Variants in ERC1 observed in about 807,000 individuals in gnomAD.
ERC1 encodes the protein ELKS/RAB6-interacting/CAST family member 1.
A neutral mutation model predicts 132.0 loss-of-function variants in ERC1; 56 were observed. The ratio of observed to expected loss-of-function variants is 0.42; its 90% CI spans 0.34 to 0.53. The LOEUF (loss-of-function observed/expected upper bound fraction) is 0.53, where lower values mean the gene tolerates loss of function less well. ERC1 is among the 20% of genes least tolerant of loss of function. The probability of loss-of-function intolerance (pLI) is 0.03; values close to 1 mark genes in which losing one functional copy is unlikely to be tolerated. For missense variants in ERC1, 1,202 were observed against 1,349.9 expected (o/e 0.89, Z 1.72); for synonymous variants, 478 against 476.1 (o/e 1.00, Z -0.05).
chr12:1,074,515 A>T lies in ERC1; in HGVS notation c.670-8649A>T, dbSNP rs1593128164. ...TCACCATGTTGGTCAAACTGGTCTCAAACTCCCCCACCCCAAGTGATCTAC... is the reference window on the plus strand; with the variant it reads ...TCACCATGTTGGTCAAACTGGTCTCTAACTCCCCCACCCCAAGTGATCTAC... On this transcript the variant is annotated intron_variant, in intron 2 of 18. Transcript: ENST00000360905. 2.6e-5 allele frequency among the ~76,000 whole-genome samples: 4 copies of T among 151,926 alleles called. No individual in the cohort carries two copies. In the South Asian group the frequency reaches 8.3e-4, roughly 32 times the overall value.
rs988510913 is a variant in ERC1 at position 1,051,603 on chromosome 12, C to G, written c.669+23031C>G. ...TACAGTGGTAGGTGCCTGCAAATCC[C>G]AGCTACTCAGGAGGCTAAGGTGGGA... On this transcript the variant is annotated intron_variant, in intron 2 of 18. Coordinates refer to ENST00000360905, the MANE Select transcript of ERC1 (RefSeq NM_178040.4). Among the ~76,000 whole-genome samples, 3 of 150,976 alleles carry G rather than the reference C, an allele frequency of 2.0e-5. No individual in the cohort carries two copies. The East Asian group carries it at 5.8e-4, about 29-fold the overall frequency.
At chr12:1,466,667 A>G (rs2093749721) in intron 18 of ERC1, among the ~76,000 whole-genome samples, 1 of 152,224 alleles carries the variant, frequency 6.6e-6, no homozygotes, top group Admixed American at 6.5e-5. Context: ...TGTTATGTCC[A>G]GTAATTACTG....
chr12:1,400,908 ATTTTTGTATTTTTTTTTTTTTTT>A (rs1313424682), intron 16 of ERC1, among the ~76,000 whole-genome samples: 2,230 of 43,354 alleles, frequency 0.051, 127 homozygotes, highest in South Asian at 0.16. Flanking sequence ...TGTTTTGGCT[ATTTTTGTATTTTTTTTTTTTTTT>A]TTTTTTTTTT....
At chr12:1,429,713 G>A (rs138889611) in intron 17 of ERC1, among the ~76,000 whole-genome samples, 44 of 152,294 alleles carry the variant, frequency 2.9e-4, no homozygotes, top group Non-Finnish European at 5.3e-4. Context: ...AGATTTAGGG[G>A]TTCACAAAGA....
At chr12:1,310,518 C>T (rs1462064821) in intron 15 of ERC1, among the ~76,000 whole-genome samples, 2 of 152,168 alleles carry the variant, frequency 1.3e-5, no homozygotes, top group Non-Finnish European at 2.9e-5. Flanking sequence ...GCCATTTAAA[C>T]AGTTCTTGAT....
At chr12:1,244,594 T>C (rs1420944569) in intron 13 of ERC1, 1 of 449,592 alleles carries the variant, frequency 2.2e-6, no homozygotes, top group African/African-American at 2.0e-5. Flanking sequence ...TGATCTCAGC[T>C]CACTGCAGCC....
chr12:1,003,118 T>A (rs201172423), intron 1 of ERC1, among the ~76,000 whole-genome samples: 116 of 75,180 alleles, frequency 1.5e-3, no homozygotes, highest in Admixed American at 2.5e-3. Flanking sequence ...AAAAAAAGAC[T>A]CAAAAAAAAA....
chr12:1,316,582 TGTTAATGCG>T lies in ERC1; in HGVS notation c.2780+26572_2780+26580del, dbSNP rs551932957. Among the ~76,000 whole-genome samples, 9 of 152,318 alleles carry T rather than the reference TGTTAATGCG, an allele frequency of 5.9e-5. No individual in the cohort carries two copies. The South Asian group carries it at 1.9e-3, about 32-fold the overall frequency. ...AGGTAAGTCATTTCAAAATTGCTGT[TGTTAATGCG>T]GGAGAGGATTTGGAAAAATAGGAAC... On this transcript the variant is annotated intron_variant, in intron 15 of 18. Transcript: ENST00000360905.
At chr12:1,145,159 G>A (rs1209450676) in intron 8 of ERC1, among the ~76,000 whole-genome samples, 2 of 151,938 alleles carry the variant, frequency 1.3e-5, no homozygotes, top group East Asian at 1.9e-4. Flanking sequence ...TGGGATTACG[G>A]GTGCTCGCCA....
At chr12:1,341,238 C>T (rs12305805) in intron 15 of ERC1, among the ~76,000 whole-genome samples, 6 of 151,340 alleles carry the variant, frequency 4.0e-5, no homozygotes, top group South Asian at 2.1e-4. Flanking sequence ...GGACTACAGG[C>T]GCACGCCACC....
intron 8 of ERC1, among the ~76,000 whole-genome samples, chr12:1,150,678 CT>C (rs144093610): frequency 0.034 from 5,221 of 152,258 alleles, 298 homozygotes; most frequent in African/African-American, 0.12. Context: ...CTGTGGTTCT[CT>C]TCCCCAAAAT....
rs374468019 is a variant in ERC1 at position 1,027,926 on chromosome 12, T to C, written c.23T>C (p.Val8Ala). The change falls in exon 2 of 19, where the codon GTT becomes GCT. Residue 8 changes from valine to alanine, a missense_variant. By Grantham distance (64) the Val-to-Ala change is moderately conservative (BLOSUM62 0). Coordinates refer to ENST00000360905, the MANE Select transcript of ERC1 (RefSeq NM_178040.4). MYGSARSVGKVEPSSQSP... is the reference protein window; with the variant it reads MYGSARSAGKVEPSSQSP... ...ACCATGTATGGAAGTGCCCGCTCTGTTGGGAAGGTGGAGCCGAGCAGCCAG... is the reference window on the plus strand; with the variant it reads ...ACCATGTATGGAAGTGCCCGCTCTGCTGGGAAGGTGGAGCCGAGCAGCCAG... The C allele has an allele frequency of 6.2e-7, 1 of 1,610,906 alleles. No homozygotes were observed. Among genetic ancestry groups the C allele is most frequent in the African/African-American group, 1.3e-5 (1 of 74,838 alleles).
intron 16 of ERC1, among the ~76,000 whole-genome samples, chr12:1,403,144 C>G (rs986510644): frequency 1.3e-5 from 2 of 152,062 alleles, no homozygotes; most frequent in African/African-American, 4.8e-5. Flanking sequence ...GTATGTATAC[C>G]TGGAGATATA....
At chr12:1,094,158 A>G (rs1188703867) in intron 3 of ERC1, among the ~76,000 whole-genome samples, 2 of 148,916 alleles carry the variant, frequency 1.3e-5, no homozygotes, top group Admixed American at 6.7e-5. Context: ...AGCTGGGACT[A>G]CAGGTGCCTG....
At chr12:1,382,611 A>G (rs183306223) in intron 16 of ERC1, among the ~76,000 whole-genome samples, 1 of 152,314 alleles carries the variant, frequency 6.6e-6, no homozygotes, top group African/African-American at 2.4e-5. Context: ...CCTCACCTAT[A>G]ATATTGGGTG....
intron 2 of ERC1, among the ~76,000 whole-genome samples, chr12:1,044,430 A>C (rs7311276): frequency 2.6e-5 from 4 of 151,984 alleles, no homozygotes. Context: ...TTCAAGGTAG[A>C]TGGGAGAAAA....
chr12:998,794 G>A (rs1198469051), intron 1 of ERC1, among the ~76,000 whole-genome samples: 1 of 151,064 alleles, frequency 6.6e-6, no homozygotes, highest in Admixed American at 6.6e-5. Flanking sequence ...CTCTTCTCTT[G>A]AGGTCTTCAG....
intron 17 of ERC1, among the ~76,000 whole-genome samples, chr12:1,429,585 A>G (rs2092733065): frequency 6.6e-6 from 1 of 152,222 alleles, no homozygotes; most frequent in African/African-American, 2.4e-5. Context: ...CTAACACTGC[A>G]TTAGGTACGT....
At chr12:1,082,176 T>G (rs1942295438) in intron 2 of ERC1, among the ~76,000 whole-genome samples, 1 of 152,002 alleles carries the variant, frequency 6.6e-6, no homozygotes, top group South Asian at 2.1e-4. Flanking sequence ...TACAGGTTCG[T>G]GCCACCATGC....
Sources: gnomAD v4.1 joint callset for allele counts (sites outside exome capture counted in the v4.1 genomes callset) on GRCh38, gnomAD v4.1.1 for gene constraint, MANE v1.5 for transcripts, NCBI Gene and HGNC (gene_info 2026-07-23, HGNC 2026-07-21) for gene names.